Variants in GLYATL2 observed in about 807,000 individuals in gnomAD.
GLYATL2 encodes glycine-N-acyltransferase like 2.
Under a neutral mutation model 21.4 loss-of-function variants are expected in GLYATL2, and 25 were observed. The observed-to-expected ratio is 1.17, with a 90% confidence interval of 0.85 to 1.63. GLYATL2 has a LOEUF of 1.63. Ranked by LOEUF, GLYATL2 falls within the 40% of genes most tolerant of loss-of-function variation. The pLI is 0.00. For missense variants in GLYATL2, 361 were observed against 343.3 expected, an observed-to-expected ratio of 1.05 and a Z score of -0.41; for synonymous variants, 114 against 118.2, an observed-to-expected ratio of 0.96 and a Z score of 0.23.
At chr11:58,848,256 A>G (rs1476463826), upstream of GLYATL2, among the ~76,000 whole-genome samples, 1 of 152,154 alleles carries the variant, frequency 6.6e-6, no homozygotes, top group Non-Finnish European at 1.5e-5. Context: ...GACAGTGAAG[A>G]CTAGAGCAAA....
At chr11:58,837,423 T>C in intron 3 of GLYATL2, 26 bp from the exon 4 acceptor site, 1 of 1,602,646 alleles carries the variant, frequency 6.2e-7, no homozygotes, top group East Asian at 2.2e-5. Context: ...TCAATTATAT[T>C]TACATAGCGC....
At chr11:58,893,150 G>T in intron 1 of GLYATL2, 1 of 393,304 alleles carries the variant, frequency 2.5e-6, no homozygotes, top group South Asian at 7.6e-5. Flanking sequence ...TACATCAAGC[G>T]CTGCATAGGA....
At chr11:58,858,601 C>T (rs1853875519) in intron 1 of GLYATL2, among the ~76,000 whole-genome samples, 1 of 152,110 alleles carries the variant, frequency 6.6e-6, no homozygotes, top group Non-Finnish European at 1.5e-5. Context: ...CTCTAGTGAT[C>T]TGAAGCAATG....
At chr11:58,883,055 ATATGAAC>A in intron 1 of GLYATL2, among the ~76,000 whole-genome samples, 1 of 152,192 alleles carries the variant, frequency 6.6e-6, no homozygotes, top group Non-Finnish European at 1.5e-5. Context: ...TTTTGATTGC[ATATGAAC>A]TTTAAAGTAT....
At chr11:58,878,351 A>G (rs1436840808) in intron 1 of GLYATL2, 1 of 660,548 alleles carries the variant, frequency 1.5e-6, no homozygotes. Flanking sequence ...ACTTGTGTCC[A>G]TTGATCTCTC....
chr11:58,874,292 G>A (rs1468737036), intron 1 of GLYATL2, among the ~76,000 whole-genome samples: 2 of 152,014 alleles, frequency 1.3e-5, no homozygotes, highest in Non-Finnish European at 2.9e-5. Flanking sequence ...ATTTCCTTCA[G>A]TTCTGCTCTG....
chr11:58,854,379 T>C (rs992867451), intron 1 of GLYATL2, among the ~76,000 whole-genome samples: 1 of 152,240 alleles, frequency 6.6e-6, no homozygotes, highest in Admixed American at 6.5e-5. Flanking sequence ...ACGAAGTTTA[T>C]GGTTTCCCAG....
chr11:58,867,625 G>A (rs1200565307), intron 1 of GLYATL2, among the ~76,000 whole-genome samples: 1 of 148,838 alleles, frequency 6.7e-6, no homozygotes, highest in African/African-American at 2.4e-5. Context: ...CTCAACACCT[G>A]TGAAACCAGA....
At position 58,894,510 on chromosome 11, in the gene GLYATL2, T is replaced by C. The variant is rs926424664; in HGVS notation, n.60+9646A>G. Among the ~76,000 whole-genome samples the C allele has an allele frequency of 1.1e-3, 168 of 149,704 alleles. 1 individual carries two copies. The highest frequency in any genetic ancestry group is 2.2e-3 in the Non-Finnish European group (145 of 67,388). ...AAAAAAAAAGCATTTTCATTCTTTCTGATAATCTAGATTTAAAAAAACAAA... is the reference window on the plus strand; with the variant it reads ...AAAAAAAAAGCATTTTCATTCTTTCCGATAATCTAGATTTAAAAAAACAAA... On this transcript the variant is annotated intron_variant and non_coding_transcript_variant, in intron 1 of 4. Coordinates refer to the GLYATL2 transcript ENST00000533636.
At chr11:58,895,408 C>A (rs1854617742) in intron 1 of GLYATL2, among the ~76,000 whole-genome samples, 1 of 152,126 alleles carries the variant, frequency 6.6e-6, no homozygotes, top group South Asian at 2.1e-4. Context: ...ATTTCATAGA[C>A]TGAGTGGCTT....
rs1854255931 is a variant in GLYATL2, at chr11:58,877,389, GCTGTT to G, written n.60+26762_60+26766del. Among the ~76,000 whole-genome samples, 3 of 152,198 alleles carry G rather than the reference GCTGTT, an allele frequency of 2.0e-5. No homozygotes were observed. The South Asian group carries it at 6.2e-4, about 32-fold the overall frequency. On this transcript the variant is annotated intron_variant and non_coding_transcript_variant, in intron 1 of 4. Coordinates refer to the GLYATL2 transcript ENST00000533636. ...CTCACACTGGGAGCTGTAGACTGGA[GCTGTT>G]CCTTTTCAGCCATCTTGGCTCCACT...
At chr11:58,873,130 G>A (rs1257481442) in intron 1 of GLYATL2, among the ~76,000 whole-genome samples, 1 of 150,748 alleles carries the variant, frequency 6.6e-6, no homozygotes, top group African/African-American at 2.4e-5. Flanking sequence ...TTTGCACATT[G>A]ATTTTGTATC....
intron 1 of GLYATL2, among the ~76,000 whole-genome samples, chr11:58,875,463 G>C (rs955607012): frequency 1.3e-5 from 2 of 152,142 alleles, no homozygotes; most frequent in Non-Finnish European, 2.9e-5. Flanking sequence ...CTTCCTTCAG[G>C]AGCTCTTTTA....
chr11:58,851,595 G>T (rs1365677595), intron 1 of GLYATL2, among the ~76,000 whole-genome samples: 1 of 152,074 alleles, frequency 6.6e-6, no homozygotes, highest in African/African-American at 2.4e-5. Flanking sequence ...AGACAATTGA[G>T]TTGGCCTTCT....
intron 1 of GLYATL2, among the ~76,000 whole-genome samples, chr11:58,852,229 C>T (rs942352185): frequency 2.0e-5 from 3 of 152,284 alleles, no homozygotes; most frequent in African/African-American, 7.2e-5. Context: ...TCGTATGAGT[C>T]TCAATAAAAA....
chr11:58,907,173 T>G (rs983423963), upstream of GLYATL2: 6 of 448,760 alleles, frequency 1.3e-5, no homozygotes, highest in Admixed American at 7.1e-5. Flanking sequence ...CAGTACACAG[T>G]TGAATACTTT....
intron 1 of GLYATL2, among the ~76,000 whole-genome samples, chr11:58,902,513 A>G (rs1030635313): frequency 1.3e-5 from 2 of 152,174 alleles, no homozygotes; most frequent in Admixed American, 1.3e-4. Context: ...GCAACTCTAA[A>G]TACAGACATC....
chr11:58,897,343 G>A (rs1218558290), intron 1 of GLYATL2, among the ~76,000 whole-genome samples: 1 of 152,158 alleles, frequency 6.6e-6, no homozygotes, highest in Non-Finnish European at 1.5e-5. Context: ...ACCATGAGAA[G>A]GGTAACCTGC....
At chr11:58,842,455 T>C (rs1853569990) in intron 1 of GLYATL2, among the ~76,000 whole-genome samples, 1 of 150,656 alleles carries the variant, frequency 6.6e-6, no homozygotes. Context: ...CTGTCTAAAT[T>C]GTCCCAGGAT....
Sources: allele counts gnomAD v4.1 joint callset (sites outside exome capture counted in the v4.1 genomes callset), GRCh38; gene constraint gnomAD v4.1.1; transcripts MANE v1.5; gene names NCBI Gene and HGNC (gene_info 2026-07-23, HGNC 2026-07-21).